The following NEDD4 variants were observed in gnomAD, a reference collection of about 807,000 sequenced individuals.
The protein encoded by NEDD4 is NEDD4 E3 ubiquitin protein ligase, also known as E3 ubiquitin-protein ligase NEDD4.
A neutral mutation model predicts 144.9 loss-of-function variants in NEDD4; 99 were observed. The ratio of observed to expected loss-of-function variants is 0.68; its 90% CI spans 0.58 to 0.81. NEDD4 has a LOEUF of 0.81. Ranked by LOEUF, NEDD4 falls within the 30% of genes least tolerant of loss-of-function variation. The pLI is 0.00. For missense variants in NEDD4, 985 were observed against 1,065.9 expected, an observed-to-expected ratio of 0.92 and a Z score of 1.06; for synonymous variants, 318 against 350.6, an observed-to-expected ratio of 0.91 and a Z score of 1.04.
At chr15:55,890,269 CAG>C (rs1320714427) in intron 5 of NEDD4, among the ~76,000 whole-genome samples, 1 of 152,114 alleles carries the variant, frequency 6.6e-6, no homozygotes, top group African/African-American at 2.4e-5. Context: ...AGTATTTTCA[CAG>C]AGTTGTTCAA....
chr15:55,921,057 C>T lies in NEDD4; in HGVS notation c.291+3589G>A, dbSNP rs138369888. Among the ~76,000 whole-genome samples, 333 of 152,216 alleles carry T rather than the reference C, an allele frequency of 2.2e-3. 2 individuals carry two copies. The highest frequency in any genetic ancestry group is 5.5e-3 in the Admixed American group (84 of 15,292). Reference sequence around the variant, plus strand: ...ATATACCATATCAGAGAGCTACAAACGCGTTAAGTCTACGAATGTTAAATG... The same window carrying T: ...ATATACCATATCAGAGAGCTACAAATGCGTTAAGTCTACGAATGTTAAATG... On this transcript the variant is annotated intron_variant, in intron 5 of 28. Transcript: ENST00000435532.
At chr15:55,981,971 T>G (rs1410064736) in intron 1 of NEDD4, among the ~76,000 whole-genome samples, 3 of 152,232 alleles carry the variant, frequency 2.0e-5, no homozygotes, top group African/African-American at 7.2e-5. Context: ...ATCATTACTT[T>G]ACATCTTATC....
chr15:55,837,441 A>C (rs2033264008), intron 24 of NEDD4, among the ~76,000 whole-genome samples: 1 of 152,010 alleles, frequency 6.6e-6, no homozygotes. Context: ...TCAAAAAAAA[A>C]AAAAAAAGAA....
chr15:55,967,363 G>A (rs999136450), intron 1 of NEDD4, among the ~76,000 whole-genome samples: 9 of 151,934 alleles, frequency 5.9e-5, no homozygotes, highest in Non-Finnish European at 1.2e-4. Flanking sequence ...ATATTGAAGT[G>A]CTTAGGAATA....
intron 24 of NEDD4, among the ~76,000 whole-genome samples, chr15:55,835,179 C>T (rs1452628534): frequency 6.6e-6 from 1 of 152,192 alleles, no homozygotes; most frequent in Non-Finnish European, 1.5e-5. Context: ...CACCTCCCAT[C>T]TAACCCCTCA....
chr15:55,897,020 C>G (rs1476767540), intron 5 of NEDD4, among the ~76,000 whole-genome samples: 1 of 152,094 alleles, frequency 6.6e-6, no homozygotes, highest in East Asian at 1.9e-4. Context: ...GTTGCCCAGA[C>G]CGGAGTGCAG....
At chr15:55,933,680 A>C (rs1196096875) in intron 4 of NEDD4, among the ~76,000 whole-genome samples, 10 of 151,932 alleles carry the variant, frequency 6.6e-5, no homozygotes, top group African/African-American at 2.2e-4. Flanking sequence ...AACTTAAAGT[A>C]TAAAAAAAAA....
In NEDD4 at chr15:55,954,685, T is replaced by C. The variant is rs561613471; in HGVS notation, c.120-3096A>G. Among the ~76,000 whole-genome samples, 18 of 152,196 alleles carry C rather than the reference T, an allele frequency of 1.2e-4. No individual in the cohort carries two copies. The South Asian group carries it at 2.3e-3, about 19-fold the overall frequency. On this transcript the variant is annotated intron_variant, in intron 2 of 28. Transcript: ENST00000435532. ...GATTACAGGCATGCATCACCACACC[T>C]GGCTAATTTTGTATTTTTAGTAGAG...
chr15:55,951,697 C>CAAT, intron 2 of NEDD4, 108 bp from the exon 3 acceptor site: 1 of 783,246 alleles, frequency 1.3e-6, no homozygotes, highest in Non-Finnish European at 1.8e-6. Context: ...GTTATATCTA[C>CAAT]AATTATTTCC....
At chr15:55,965,241 C>T (rs774194036) in intron 2 of NEDD4, among the ~76,000 whole-genome samples, 24 of 152,272 alleles carry the variant, frequency 1.6e-4, no homozygotes, top group South Asian at 8.3e-4. Flanking sequence ...CTTTGTCACC[C>T]AGGCTGGAGT....
intron 5 of NEDD4, among the ~76,000 whole-genome samples, chr15:55,897,930 G>A (rs1335711399): frequency 6.6e-6 from 1 of 152,156 alleles, no homozygotes; most frequent in East Asian, 1.9e-4. Flanking sequence ...CTTGGCTGTG[G>A]AATCTGCACA....
intron 5 of NEDD4, chr15:55,917,091 A>C: frequency 8.3e-7 from 1 of 1,206,964 alleles, no homozygotes; most frequent in Non-Finnish European, 1.0e-6. Flanking sequence ...CTTACAAAGC[A>C]CTTGATTTCC....
chr15:55,967,881 C>T (rs1001755206), intron 1 of NEDD4, among the ~76,000 whole-genome samples: 1 of 152,000 alleles, frequency 6.6e-6, no homozygotes, highest in East Asian at 1.9e-4. Flanking sequence ...GGCATGATAA[C>T]TTGTGTCTGT....
At chr15:55,908,865 C>G (rs760871923) in intron 5 of NEDD4, among the ~76,000 whole-genome samples, 1 of 151,890 alleles carries the variant, frequency 6.6e-6, no homozygotes, top group Non-Finnish European at 1.5e-5. Context: ...CATAATGAGA[C>G]CTCATCATAA....
intron 4 of NEDD4, among the ~76,000 whole-genome samples, chr15:55,929,753 C>T (rs1354594917): frequency 2.0e-5 from 3 of 151,916 alleles, no homozygotes; most frequent in South Asian, 2.1e-4. Context: ...AGATCACGAA[C>T]GTACAAATTA....
At chr15:55,843,948 T>TG (rs1396373761) in intron 18 of NEDD4, among the ~76,000 whole-genome samples, 1 of 152,074 alleles carries the variant, frequency 6.6e-6, no homozygotes, top group African/African-American at 2.4e-5. Context: ...GGCGTATATG[T>TG]GAAAAACAAG....
At chr15:55,946,012 C>T (rs1239028384) in intron 4 of NEDD4, among the ~76,000 whole-genome samples, 1 of 152,166 alleles carries the variant, frequency 6.6e-6, no homozygotes, top group Non-Finnish European at 1.5e-5. Context: ...AAGCACTAAA[C>T]ATGGAAGGGA....
intron 5 of NEDD4, among the ~76,000 whole-genome samples, chr15:55,884,254 T>C (rs2035307622): frequency 1.3e-5 from 2 of 152,140 alleles, no homozygotes; most frequent in Admixed American, 1.3e-4. Context: ...CACATATGGC[T>C]GCAGCAACCA....
chr15:55,931,558 A>G (rs1890125983), intron 4 of NEDD4, among the ~76,000 whole-genome samples: 1 of 152,236 alleles, frequency 6.6e-6, no homozygotes, highest in Non-Finnish European at 1.5e-5. Context: ...GAAAAAAAGG[A>G]TAACTATGTT....
Sources: gnomAD v4.1 joint callset for allele counts (sites outside exome capture counted in the v4.1 genomes callset) on GRCh38, gnomAD v4.1.1 for gene constraint, MANE v1.5 for transcripts, NCBI Gene and HGNC (gene_info 2026-07-23, HGNC 2026-07-21) for gene names.